DPYD: variants seen among roughly 807,000 people sequenced by gnomAD.
DPYD encodes the protein dihydropyrimidine dehydrogenase.
In DPYD, 109 loss-of-function variants were observed where a neutral mutation model predicts 116.2. That is an observed-to-expected ratio of 0.94 (90% CI 0.80 to 1.10). The LOEUF (loss-of-function observed/expected upper bound fraction) is 1.10. DPYD is among the 50% of genes least tolerant of loss of function. The probability of loss-of-function intolerance (pLI) is 0.00; values close to 1 mark genes in which losing one functional copy is unlikely to be tolerated. For synonymous variants in DPYD, 440 were observed against 432.0 expected (o/e 1.02, Z -0.23); for missense variants, 1,302 against 1,254.5 (o/e 1.04, Z -0.57).
At chr1:97,709,269 C>T (rs567548468) in intron 5 of DPYD, among the ~76,000 whole-genome samples, 13 of 151,938 alleles carry the variant, frequency 8.6e-5, no homozygotes, top group African/African-American at 2.6e-4. Context: ...CAGTGATATG[C>T]TTAAACAAAG....
chr1:97,142,119 G>C (rs1203980260), intron 20 of DPYD, among the ~76,000 whole-genome samples: 2 of 152,130 alleles, frequency 1.3e-5, no homozygotes, highest in African/African-American at 2.4e-5. Context: ...AGAATGCAGA[G>C]AGAATAGAAA....
chr1:97,844,665 A>C (rs1465282113), intron 2 of DPYD, among the ~76,000 whole-genome samples: 1 of 152,168 alleles, frequency 6.6e-6, no homozygotes, highest in African/African-American at 2.4e-5. Flanking sequence ...TACACCCTCC[A>C]TAGGGCCAGC....
chr1:97,460,300 T>C (rs996703994), intron 13 of DPYD, among the ~76,000 whole-genome samples: 1 of 152,186 alleles, frequency 6.6e-6, no homozygotes, highest in African/African-American at 2.4e-5. Flanking sequence ...AACAAAATGA[T>C]GAGCTTGAGC....
At chr1:97,880,842 T>C (rs1419652437) in intron 2 of DPYD, among the ~76,000 whole-genome samples, 2 of 152,006 alleles carry the variant, frequency 1.3e-5, no homozygotes, top group Admixed American at 6.6e-5. Context: ...AGATAGAATT[T>C]ATCCAGATTA....
chr1:97,437,009 T>C (rs1675507204), intron 14 of DPYD, among the ~76,000 whole-genome samples: 1 of 151,810 alleles, frequency 6.6e-6, no homozygotes, highest in Non-Finnish European at 1.5e-5. Flanking sequence ...ATATATGTTA[T>C]ATAAAGAATA....
intron 3 of DPYD, among the ~76,000 whole-genome samples, chr1:97,768,134 A>C (rs1000777553): frequency 3.9e-5 from 6 of 152,308 alleles, no homozygotes; most frequent in African/African-American, 1.4e-4. Flanking sequence ...TCTCATAAAT[A>C]TGTACATGTA....
At chr1:97,471,729 A>G (rs530949907) in intron 13 of DPYD, among the ~76,000 whole-genome samples, 14 of 152,002 alleles carry the variant, frequency 9.2e-5, no homozygotes, top group African/African-American at 3.4e-4. Flanking sequence ...AGCTGGGATT[A>G]CAGGCGCCCA....
chr1:97,505,508 A>T (rs1166704409), intron 13 of DPYD, among the ~76,000 whole-genome samples: 1 of 151,574 alleles, frequency 6.6e-6, no homozygotes, highest in Non-Finnish European at 1.5e-5. Flanking sequence ...AAAATAATTT[A>T]AAAAATAAAA....
At chr1:97,729,632 A>G (rs898904760) in intron 4 of DPYD, among the ~76,000 whole-genome samples, 2 of 152,182 alleles carry the variant, frequency 1.3e-5, no homozygotes, top group Non-Finnish European at 2.9e-5. Context: ...CTAATCTACC[A>G]AACCATAAAA....
At chr1:97,081,933 C>G (rs1300956678) in intron 22 of DPYD, among the ~76,000 whole-genome samples, 7 of 152,026 alleles carry the variant, frequency 4.6e-5, no homozygotes, top group Non-Finnish European at 7.4e-5. Flanking sequence ...AGAGAACTCT[C>G]TTTTGGCAGA....
intron 5 of DPYD, among the ~76,000 whole-genome samples, chr1:97,717,682 T>C (rs1225333798): frequency 6.6e-6 from 1 of 151,998 alleles, no homozygotes; most frequent in Non-Finnish European, 1.5e-5. Context: ...CACTTATGAG[T>C]GAGAACATAT....
intron 8 of DPYD, among the ~76,000 whole-genome samples, chr1:97,672,459 T>C (rs1659920954): frequency 6.6e-6 from 1 of 152,092 alleles, no homozygotes; most frequent in Admixed American, 6.6e-5. Context: ...CATTTTACAA[T>C]TACACCGAAG....
In DPYD at chr1:97,133,998, C is replaced by CAA. The variant is rs1208967697; in HGVS notation, c.2623-35368_2623-35367dup. Among the ~76,000 whole-genome samples, 75 of 17,172 alleles carry CAA rather than the reference C, an allele frequency of 4.4e-3. 3 individuals are homozygous for CAA. Among genetic ancestry groups the CAA allele is most frequent in the African/African-American group, 0.011 (35 of 3,062 alleles). 11.3% of individuals were successfully genotyped at this position (17,172 alleles called of 152,430 possible). ...TGGGTCACAGAGCCAGACTCTGTTT[C>CAA]AAAAAAAAAAAAAAAAATATATATA... On this transcript the variant is annotated intron_variant, in intron 20 of 22. Coordinates refer to ENST00000370192, the MANE Select transcript of DPYD (RefSeq NM_000110.4).
intron 8 of DPYD, among the ~76,000 whole-genome samples, chr1:97,675,041 C>T (rs536644720): frequency 1.3e-5 from 2 of 152,314 alleles, no homozygotes; most frequent in South Asian, 2.1e-4. Context: ...CAAGCACACA[C>T]ATCAAACACA....
intron 11 of DPYD, among the ~76,000 whole-genome samples, chr1:97,572,554 T>C (rs1362943220): frequency 6.6e-6 from 1 of 151,974 alleles, no homozygotes; most frequent in Non-Finnish European, 1.5e-5. Context: ...TTTGGTGATG[T>C]ACATAGTATT....
intron 20 of DPYD, among the ~76,000 whole-genome samples, chr1:97,172,563 C>T (rs1656807532): frequency 6.6e-6 from 1 of 152,148 alleles, no homozygotes; most frequent in African/African-American, 2.4e-5. Flanking sequence ...TTTATCACTT[C>T]ATTATCCCTT....
intron 13 of DPYD, among the ~76,000 whole-genome samples, chr1:97,459,018 T>C (rs1676862559): frequency 1.3e-5 from 2 of 151,962 alleles, no homozygotes; most frequent in African/African-American, 4.8e-5. Context: ...AAATCAGATC[T>C]ACCAAAAAAT....
At chr1:97,560,910 T>G (rs942313964) in intron 11 of DPYD, among the ~76,000 whole-genome samples, 1 of 152,076 alleles carries the variant, frequency 6.6e-6, no homozygotes, top group African/African-American at 2.4e-5. Context: ...GGCAGATTAT[T>G]CCAAGAAGCG....
At chr1:97,820,751 C>G (rs951679875) in intron 3 of DPYD, among the ~76,000 whole-genome samples, 2 of 152,146 alleles carry the variant, frequency 1.3e-5, no homozygotes, top group African/African-American at 4.8e-5. Context: ...GTAAATATAA[C>G]AGATCTCACT....
Sources: gnomAD v4.1 joint callset for allele counts (sites outside exome capture counted in the v4.1 genomes callset) on GRCh38, gnomAD v4.1.1 for gene constraint, MANE v1.5 for transcripts, NCBI Gene and HGNC (gene_info 2026-07-23, HGNC 2026-07-21) for gene names.